The following NRP2 variants were observed in gnomAD, a reference collection of about 807,000 sequenced individuals.
NRP2 encodes the protein neuropilin-2.
In NRP2, 52 loss-of-function variants were observed where a neutral mutation model predicts 110.4. The observed-to-expected ratio is 0.47, with a 90% CI of 0.38 to 0.59. NRP2 has a LOEUF of 0.59. Among genes scored for constraint, NRP2 ranks in the 20% least tolerant of loss-of-function variants. The probability of loss-of-function intolerance (pLI) is 0.00; values close to 1 mark genes in which losing one functional copy is unlikely to be tolerated. For missense variants in NRP2, 1,049 were observed against 1,203.0 expected, an observed-to-expected ratio of 0.87 and a Z score of 1.89; for synonymous variants, 508 against 468.9, an observed-to-expected ratio of 1.08 and a Z score of -1.08.
chr2:205,778,346 T>C (rs1197505559), intron 15 of NRP2: 1 of 151,944 alleles, frequency 6.6e-6, no homozygotes, highest in Non-Finnish European at 1.5e-5. Context: ...GAAAGAACGG[T>C]GCTCTCCCAC....
In NRP2 at chr2:205,736,267, G is replaced by A. The variant is rs143967505; in HGVS notation, c.1147-4252G>A. On this transcript the variant is annotated intron_variant, in intron 7 of 16. Transcript: ENST00000357785. Reference sequence around the variant, plus strand: ...TGAGGCAGGAGAATTGCTTGAAACCGGGAGGCAGAGGTTGCAGTGAGCCAA... The same window carrying A: ...TGAGGCAGGAGAATTGCTTGAAACCAGGAGGCAGAGGTTGCAGTGAGCCAA... Among the ~76,000 whole-genome samples, 1,134 of 152,248 alleles carry A rather than the reference G, an allele frequency of 7.4e-3. 10 individuals carry two copies. The highest frequency in any genetic ancestry group is 0.025 in the African/African-American group (1,047 of 41,542).
chr2:205,693,333 C>T (rs79821032), intron 1 of NRP2, among the ~76,000 whole-genome samples: 2,768 of 152,150 alleles, frequency 0.018, 76 homozygotes, highest in African/African-American at 0.062. Flanking sequence ...AATGGAGATG[C>T]CCCATTTAGA....
In NRP2 at chr2:205,797,291, C is replaced by T. The variant is rs1172715136; in HGVS notation, c.*2233C>T. ...CTAGCCCCTTTTCCTCTTCACCCTC[C>T]CATGATGCGCAGTGTTCAGAAAGCT... On this transcript the variant is annotated 3_prime_UTR_variant, in exon 17 of 17. Coordinates refer to ENST00000357785, the MANE Select transcript of NRP2 (RefSeq NM_003872.3). The T allele has an allele frequency of 6.6e-6, 1 of 152,586 alleles. No homozygotes were observed. Among genetic ancestry groups the T allele is most frequent in the Middle Eastern group, 3.4e-3 (1 of 294 alleles). 9.5% of individuals were successfully genotyped at this position (152,586 alleles called of 1,614,324 possible).
chr2:205,738,533 AGGGTCAG>A (rs2057385969), intron 7 of NRP2, among the ~76,000 whole-genome samples: 1 of 152,222 alleles, frequency 6.6e-6, no homozygotes, highest in Admixed American at 6.5e-5. Context: ...CGAAGGAAGT[AGGGTCAG>A]TCACCACTCC....
rs1196717504 is a variant in NRP2 at position 205,722,687 on chromosome 2, A to T, written c.643A>T (p.Ile215Phe). Residue 215 changes from isoleucine to phenylalanine, a missense_variant, in exon 4 of 17, where the codon ATC becomes TTC. Physicochemically the swap from Ile to Phe is conservative, Grantham distance 21. Coordinates refer to ENST00000357785, the MANE Select transcript of NRP2 (RefSeq NM_003872.3). Reference sequence around the variant, plus strand: ...GGACTGCAAGTACGATTGGCTGGACATCTGGGATGGCATTCCACATGGTGA... The same window carrying T: ...GGACTGCAAGTACGATTGGCTGGACTTCTGGGATGGCATTCCACATGGTGA... Reference protein sequence around the residue: ...EGDCKYDWLDIWDGIPHVGPL... With the variant: ...EGDCKYDWLDFWDGIPHVGPL... 1 of 1,614,160 alleles carries T rather than the reference A, an allele frequency of 6.2e-7. No individual in the cohort carries two copies. The highest frequency in any genetic ancestry group is 1.7e-5 in the Admixed American group (1 of 60,024).
At chr2:205,734,763 A>G (rs2057313122) in intron 7 of NRP2, among the ~76,000 whole-genome samples, 1 of 152,174 alleles carries the variant, frequency 6.6e-6, no homozygotes, top group Admixed American at 6.5e-5. Context: ...GCAATGAAAC[A>G]TTTATTAGTG....
intron 7 of NRP2, 77 bp from the exon 8 acceptor site, chr2:205,740,442 T>G: frequency 6.7e-7 from 1 of 1,501,744 alleles, no homozygotes; most frequent in South Asian, 1.1e-5. Flanking sequence ...AACTTTCCCA[T>G]CCCCTTCAAA....
At chr2:205,785,886 C>T (rs1249919618) in intron 15 of NRP2, among the ~76,000 whole-genome samples, 1 of 152,204 alleles carries the variant, frequency 6.6e-6, no homozygotes, top group East Asian at 1.9e-4. Flanking sequence ...TTCCAGTAAT[C>T]TCACACCAAG....
Position 205,773,978 on chromosome 2 carries a change from T to C in NRP2, c.2425+7175T>C, listed in dbSNP as rs1401199137. Among the ~76,000 whole-genome samples, 3 of 152,178 alleles carry C rather than the reference T, an allele frequency of 2.0e-5. No individual in the cohort carries two copies. The East Asian group carries it at 5.8e-4, about 29-fold the overall frequency. ...TTTTCTTGATGGGTGAGCTGCAGCC[T>C]CATTAGGGGATGGCCCTCACTGTGG... is the stretch of plus-strand genomic sequence containing the variant. On this transcript the variant is annotated intron_variant, in intron 15 of 16. Transcript: ENST00000357785.
In NRP2 at chr2:205,768,955, A is replaced by G. The variant is rs79729570; in HGVS notation, c.2425+2152A>G. 5.8e-3 allele frequency among the ~76,000 whole-genome samples: 889 copies of G among 152,328 alleles called. 14 individuals are homozygous for G. The highest frequency in any genetic ancestry group is 0.02 in the African/African-American group (847 of 41,566). ...TTGGTAACCAGATGAACCTAGTGCC[A>G]TGGGTCTCTTCTTTCTGGCTGAGAC... On this transcript the variant is annotated intron_variant, in intron 15 of 16. Coordinates refer to ENST00000357785, the MANE Select transcript of NRP2 (RefSeq NM_003872.3).
At chr2:205,778,829 G>A (rs1437179603) in intron 15 of NRP2, 1 of 152,248 alleles carries the variant, frequency 6.6e-6, no homozygotes, top group East Asian at 1.9e-4. Flanking sequence ...ATATGAGACT[G>A]CTCTAATCTT....
chr2:205,720,113 G>A (rs751456257), intron 3 of NRP2, among the ~76,000 whole-genome samples: 7 of 152,106 alleles, frequency 4.6e-5, no homozygotes, highest in Non-Finnish European at 8.8e-5. Context: ...GAGATGGTAC[G>A]ATTAGAGATG....
At chr2:205,700,074 A>G (rs907262576) in intron 2 of NRP2, among the ~76,000 whole-genome samples, 1 of 151,452 alleles carries the variant, frequency 6.6e-6, no homozygotes, top group Non-Finnish European at 1.5e-5. Flanking sequence ...TCCCCTGGCC[A>G]TTTGCATTTG....
chr2:205,697,105 G>A lies in NRP2; in HGVS notation c.74-439G>A, dbSNP rs113679415. Reference sequence around the variant, plus strand: ...GTTCCCAGAGCCCTGACTGCTGGCTGCCTGGGCTGGGCTGGGAGACACCGA... The same window carrying A: ...GTTCCCAGAGCCCTGACTGCTGGCTACCTGGGCTGGGCTGGGAGACACCGA... On this transcript the variant is annotated intron_variant, in intron 1 of 16. Transcript: ENST00000357785. 6.6e-5 allele frequency among the ~76,000 whole-genome samples: 10 copies of A among 152,256 alleles called. 3 individuals are homozygous for A. The highest frequency in any genetic ancestry group is 2.2e-4 in the African/African-American group (9 of 41,540).
intron 2 of NRP2, among the ~76,000 whole-genome samples, chr2:205,712,508 T>C (rs2056819023): frequency 2.0e-5 from 3 of 152,340 alleles, no homozygotes; most frequent in South Asian, 2.1e-4. Context: ...TGCAAAGCCG[T>C]ATTTATTCCA....
At chr2:205,764,745 C>T (rs2057885501) in intron 13 of NRP2, among the ~76,000 whole-genome samples, 2 of 152,200 alleles carry the variant, frequency 1.3e-5, no homozygotes, top group African/African-American at 4.8e-5. Context: ...AGCCTGCAGT[C>T]CCTGTCCCTT....
At chr2:205,691,685 A>G (rs778402391) in intron 1 of NRP2, among the ~76,000 whole-genome samples, 1 of 152,166 alleles carries the variant, frequency 6.6e-6, no homozygotes, top group Non-Finnish European at 1.5e-5. Context: ...TCCTTCCCCA[A>G]ATGTCTCCTA....
At position 205,766,792 on chromosome 2, in the gene NRP2, C is replaced by T. The variant is rs773886199; in HGVS notation, c.2414C>T (p.Ser805Leu). The change falls in exon 15 of 17, where the codon TCG becomes TTG. Residue 805 changes from serine (S) to leucine (L), a missense_variant. By Grantham distance (145) the Ser-to-Leu change is moderately radical. Transcript: ENST00000357785. ...VPLENCMEPI[S>L]AFAVDIPEIH... ...TGTTTGTTTTTTTCAGAACCCATCT[C>T]GGCTTTTGCAGGTGAGAATTTTAAA... 3.1e-6 allele frequency: 5 copies of T among 1,612,752 alleles called. No homozygotes were observed. The highest frequency in any genetic ancestry group is 1.7e-5 in the Admixed American group (1 of 59,978).
Position 205,683,345 on chromosome 2 carries a change from C to T in NRP2, c.55C>T (p.Gln19Ter). 6.2e-7 allele frequency: 1 copy of T among 1,613,482 alleles called. No homozygotes were observed. The highest frequency in any genetic ancestry group is 8.5e-7 in the Non-Finnish European group (1 of 1,179,452). The change falls in exon 1 of 17, where the codon CAA becomes TAA. Residue 19 changes from glutamine (Q) to a stop codon, truncating the protein, a stop_gained. Transcript: ENST00000357785. LOFTEE classifies it high-confidence loss of function. ...CTTAGCCCTCTACTTTTCAAGACAC[C>T]AAGTGAGAGGCCAACCAGGTAAGCC... Reference protein sequence around the residue: ...VFLALYFSRHQVRGQPDPPCG... With the variant: ...VFLALYFSRH
Sources: gnomAD v4.1 joint callset for allele counts (sites outside exome capture counted in the v4.1 genomes callset) on GRCh38, gnomAD v4.1.1 for gene constraint, MANE v1.5 for transcripts, NCBI Gene and HGNC (gene_info 2026-07-23, HGNC 2026-07-21) for gene names.